Variants in TRIM9 observed in about 807,000 individuals in gnomAD.
TRIM9 encodes the protein tripartite motif containing 9.
TRIM9 carries 26 observed loss-of-function variants against 78.3 expected under a neutral mutation model. That is an observed-to-expected ratio of 0.33 (90% confidence interval 0.24 to 0.46). The LOEUF (loss-of-function observed/expected upper bound fraction) is 0.46, where lower values mean the gene tolerates loss of function less well. Ranked by LOEUF, TRIM9 falls within the 20% of genes least tolerant of loss-of-function variation. The pLI is 1.00. For missense variants in TRIM9, 787 were observed against 1,036.4 expected, an observed-to-expected ratio of 0.76 and a Z score of 3.30; for synonymous variants, 398 against 416.5, an observed-to-expected ratio of 0.96 and a Z score of 0.54.
chr14:51,086,860 G>A (rs2063800934), intron 1 of TRIM9, among the ~76,000 whole-genome samples: 2 of 152,170 alleles, frequency 1.3e-5, no homozygotes, highest in South Asian at 4.1e-4. Context: ...GGCGTGTTGA[G>A]GAGGGGGGAA....
intron 4 of TRIM9, among the ~76,000 whole-genome samples, chr14:51,009,808 T>A (rs1221742997): frequency 1.3e-5 from 2 of 152,194 alleles, no homozygotes; most frequent in African/African-American, 2.4e-5. Flanking sequence ...TTGGAAGAGA[T>A]CTACATGTTC....
intron 1 of TRIM9, among the ~76,000 whole-genome samples, chr14:51,060,871 G>A (rs2061301603): frequency 6.6e-6 from 1 of 152,110 alleles, no homozygotes; most frequent in South Asian, 2.1e-4. Flanking sequence ...ATGAAAAATT[G>A]TCAGCTTTCC....
chr14:51,053,998 C>A (rs974417268), intron 1 of TRIM9, among the ~76,000 whole-genome samples: 2 of 152,146 alleles, frequency 1.3e-5, no homozygotes, highest in African/African-American at 4.8e-5. Context: ...AGATGAGTGG[C>A]CAACATTAAC....
At chr14:51,075,999 G>C (rs2062750454) in intron 1 of TRIM9, among the ~76,000 whole-genome samples, 2 of 151,936 alleles carry the variant, frequency 1.3e-5, no homozygotes, top group South Asian at 4.2e-4. Context: ...ACCTACAAGA[G>C]TACTGGAGCA....
intron 2 of TRIM9, 95 bp downstream of exon 2, chr14:51,025,170 C>A: frequency 8.8e-7 from 1 of 1,131,544 alleles, no homozygotes; most frequent in Non-Finnish European, 1.3e-6. Flanking sequence ...AATTTTCCCA[C>A]GACACATAAA....
At chr14:50,980,116 A>G (rs1220044622) in intron 11 of TRIM9, among the ~76,000 whole-genome samples, 1 of 152,252 alleles carries the variant, frequency 6.6e-6, no homozygotes, top group Non-Finnish European at 1.5e-5. Flanking sequence ...CATTAAACAG[A>G]AAAACTCATT....
chr14:51,007,799 CCAAA>C (rs2056020100), intron 5 of TRIM9, among the ~76,000 whole-genome samples: 1 of 63,914 alleles, frequency 1.6e-5, no homozygotes, highest in Admixed American at 1.8e-4. Context: ...ACATATTAAA[CCAAA>C]AAAAAAAAAA....
chr14:51,005,520 G>A (rs890797522), intron 5 of TRIM9, among the ~76,000 whole-genome samples: 1 of 152,134 alleles, frequency 6.6e-6, no homozygotes, highest in African/African-American at 2.4e-5. Context: ...AATATTTATT[G>A]GGGGAGGAAG....
intron 1 of TRIM9, among the ~76,000 whole-genome samples, chr14:51,091,586 T>C (rs1262176827): frequency 6.6e-6 from 1 of 152,192 alleles, no homozygotes; most frequent in East Asian, 1.9e-4. Context: ...TTAACTTCCT[T>C]ATTAAGTAAA....
chr14:50,982,290 C>T (rs971631160), intron 10 of TRIM9, 187 bp from the exon 11 acceptor site: 36 of 640,322 alleles, frequency 5.6e-5, no homozygotes, highest in Non-Finnish European at 7.5e-5. Flanking sequence ...CAGAAGCAGA[C>T]GGAGGACACA....
chr14:51,041,576 A>G (rs1209616891), intron 1 of TRIM9, among the ~76,000 whole-genome samples: 3 of 152,242 alleles, frequency 2.0e-5, no homozygotes, highest in Admixed American at 6.5e-5. Context: ...CAGCAACATT[A>G]GTTCCTTGAA....
At chr14:51,049,846 T>A (rs531876651) in intron 1 of TRIM9, among the ~76,000 whole-genome samples, 108 of 151,056 alleles carry the variant, frequency 7.1e-4, no homozygotes, top group Non-Finnish European at 1.2e-3. Context: ...TAAAATAAAA[T>A]AAAAATAAAA....
chr14:51,016,374 G>A (rs568334284), intron 3 of TRIM9, among the ~76,000 whole-genome samples: 2 of 151,964 alleles, frequency 1.3e-5, no homozygotes, highest in Non-Finnish European at 2.9e-5. Context: ...TGTGAACTGC[G>A]CATGCAAGGG....
At chr14:51,056,037 C>G (rs1206467115) in intron 1 of TRIM9, among the ~76,000 whole-genome samples, 1 of 152,232 alleles carries the variant, frequency 6.6e-6, no homozygotes, top group African/African-American at 2.4e-5. Flanking sequence ...TGTCCAAAAA[C>G]TAACCTCACT....
chr14:51,040,139 A>G (rs921176978), intron 1 of TRIM9, among the ~76,000 whole-genome samples: 1 of 152,154 alleles, frequency 6.6e-6, no homozygotes, highest in Non-Finnish European at 1.5e-5. Flanking sequence ...CTTTATTAAG[A>G]CCTTAACTGT....
chr14:51,094,584 G>T lies in TRIM9; in HGVS notation c.356C>A (p.Pro119Gln). The change falls in exon 1 of 13, where the codon CCG (proline) becomes CAG (glutamine). Residue 119 changes from proline to glutamine, a missense_variant. Physicochemically the swap from Pro to Gln is moderately conservative, Grantham distance 76. Coordinates refer to ENST00000684578, the MANE Select transcript of TRIM9 (RefSeq NM_001387360.1). ...GGTGATACAGGAGTTGCGGGGCACC[G>T]GGGCCAGGGCCGGTGACAAGTGGGT... ...PATHLSPALA[P>Q]VPRNSCITCP... 6.2e-7 allele frequency: 1 copy of T among 1,611,718 alleles called. No homozygotes were observed. Among genetic ancestry groups the T allele is most frequent in the Non-Finnish European group, 8.5e-7 (1 of 1,179,292 alleles).
Position 50,982,063 on chromosome 14 carries a change from G to A in TRIM9, c.1899C>T (p.Asp633=), listed in dbSNP as rs2051994816. The part of the protein sequence containing the change: ...FAFDPGSAHS[D]IILSNDNLTV... ...TCAGGTTGTCATTGGAGAGGATGAT[G>A]TCCGAGTGCGCCGAGCCAGGGTCGA... The change falls in exon 11 of 13, where the codon GAC becomes GAT. Residue 633 remains aspartate, a synonymous_variant. Transcript: ENST00000684578. 9 of 1,614,150 alleles carry A rather than the reference G, an allele frequency of 5.6e-6. No homozygotes were observed. Among genetic ancestry groups the A allele is most frequent in the Non-Finnish European group, 7.6e-6 (9 of 1,180,016 alleles).
chr14:51,063,852 G>A (rs1429409230), intron 1 of TRIM9, among the ~76,000 whole-genome samples: 1 of 152,106 alleles, frequency 6.6e-6, no homozygotes, highest in Non-Finnish European at 1.5e-5. Context: ...TATTTTTAGT[G>A]TCAAGCGGAT....
intron 1 of TRIM9, among the ~76,000 whole-genome samples, chr14:51,078,653 G>A (rs1052285505): frequency 2.6e-5 from 4 of 152,208 alleles, no homozygotes; most frequent in African/African-American, 7.2e-5. Flanking sequence ...AACATACAAC[G>A]ATATTGTATG....
Sources: gnomAD v4.1 joint callset for allele counts (sites outside exome capture counted in the v4.1 genomes callset) on GRCh38, gnomAD v4.1.1 for gene constraint, MANE v1.5 for transcripts, NCBI Gene and HGNC (gene_info 2026-07-23, HGNC 2026-07-21) for gene names.